ADGB: variants seen among roughly 807,000 people sequenced by gnomAD.
The protein encoded by ADGB is androglobin.
ADGB carries 172 observed loss-of-function variants against 210.5 expected under a neutral mutation model. The ratio of observed to expected loss-of-function variants is 0.82; its 90% CI spans 0.72 to 0.93. The LOEUF (loss-of-function observed/expected upper bound fraction) is 0.93. Among genes scored for constraint, ADGB ranks in the 40% least tolerant of loss-of-function variants. The pLI is 0.00. For missense variants in ADGB, 2,025 were observed against 1,964.8 expected (o/e 1.03, Z -0.58); for synonymous variants, 658 against 662.7 (o/e 0.99, Z 0.11).
chr6:146,674,051 G>T (rs1411063777), intron 8 of ADGB, among the ~76,000 whole-genome samples: 1 of 152,060 alleles, frequency 6.6e-6, no homozygotes, highest in African/African-American at 2.4e-5. Flanking sequence ...TTGTCATCGG[G>T]GCCAAAGGAA....
chr6:146,778,879 C>A (rs1280517197), intron 29 of ADGB, among the ~76,000 whole-genome samples: 1 of 152,064 alleles, frequency 6.6e-6, no homozygotes, highest in Non-Finnish European at 1.5e-5. Flanking sequence ...ATTAGTAACT[C>A]CATGAAAGCA....
chr6:146,693,627 A>G (rs547241342), intron 12 of ADGB, among the ~76,000 whole-genome samples: 33 of 152,310 alleles, frequency 2.2e-4, no homozygotes, highest in Admixed American at 1.6e-3. Context: ...TGGTTTCCAC[A>G]TCTTCCTTGT....
intron 5 of ADGB, among the ~76,000 whole-genome samples, chr6:146,659,771 C>T (rs1164106399): frequency 1.3e-5 from 2 of 152,160 alleles, no homozygotes; most frequent in Non-Finnish European, 2.9e-5. Context: ...TGCTGGGACA[C>T]ATATCATCTC....
At chr6:146,737,563 A>G (rs1307518394) in intron 23 of ADGB, among the ~76,000 whole-genome samples, 3 of 152,228 alleles carry the variant, frequency 2.0e-5, no homozygotes. Flanking sequence ...CATGCAGATT[A>G]CTTGATTAAC....
At position 146,688,328 on chromosome 6, in the gene ADGB, A is replaced by G. The variant is rs117353653; in HGVS notation, c.1311+2500A>G. On this transcript the variant is annotated intron_variant, in intron 10 of 35. Transcript: ENST00000397944. ...ATGAAAGACATAACAGAAACATGTC[A>G]TCCTTTCTAATGGGTAGCCAGGGAA... Among the ~76,000 whole-genome samples the G allele has an allele frequency of 1.7e-3, 265 of 152,262 alleles. 4 individuals are homozygous for G. In the East Asian group the frequency reaches 0.027, roughly 15 times the overall value.
At chr6:146,704,224 A>G (rs1160141434) in intron 13 of ADGB, among the ~76,000 whole-genome samples, 1 of 151,664 alleles carries the variant, frequency 6.6e-6, no homozygotes, top group Non-Finnish European at 1.5e-5. Flanking sequence ...TATCAGATGT[A>G]TGATTTACAA....
At chr6:146,625,880 G>A (rs985739017) in intron 1 of ADGB, among the ~76,000 whole-genome samples, 1 of 151,860 alleles carries the variant, frequency 6.6e-6, no homozygotes, top group African/African-American at 2.4e-5. Context: ...TTGACATTCT[G>A]TTCCATACAG....
At chr6:146,674,203 G>A (rs919675718) in intron 8 of ADGB, among the ~76,000 whole-genome samples, 1 of 152,154 alleles carries the variant, frequency 6.6e-6, no homozygotes, top group African/African-American at 2.4e-5. Flanking sequence ...ACATTGGAGG[G>A]GAGTAAGAAG....
intron 1 of ADGB, among the ~76,000 whole-genome samples, chr6:146,607,991 T>C (rs745324391): frequency 3.3e-5 from 5 of 152,132 alleles, no homozygotes; most frequent in Non-Finnish European, 7.4e-5. Flanking sequence ...GCTCTTTGTA[T>C]GTCTGGTAGA....
chr6:146,813,629 C>G (rs570671069), intron 35 of ADGB, among the ~76,000 whole-genome samples: 1 of 132,194 alleles, frequency 7.6e-6, no homozygotes, highest in Admixed American at 8.2e-5. Context: ...ATGTCTGTTT[C>G]GCAAAAGTTT....
rs375262241 is a variant in ADGB, at chr6:146,615,684, G to A, written c.74+16570G>A. Among the ~76,000 whole-genome samples the A allele has an allele frequency of 1.1e-4, 17 of 152,182 alleles. No homozygotes were observed. In the East Asian group the frequency reaches 2.9e-3, roughly 26 times the overall value. On this transcript the variant is annotated intron_variant, in intron 1 of 35. Transcript: ENST00000397944. ...GCTCCCACCTATAAGTGAGAACATG[G>A]AATATTTATCTTTCTGTGCGTGACT...
intron 25 of ADGB, 91 bp from the exon 26 acceptor site, chr6:146,745,828 CATA>C: frequency 4.2e-6 from 4 of 946,778 alleles, no homozygotes; most frequent in Non-Finnish European, 5.9e-6. Context: ...GTAGGTATAT[CATA>C]ATAATAAGAC....
At chr6:146,696,584 C>A (rs1248287227) in intron 12 of ADGB, among the ~76,000 whole-genome samples, 4 of 152,200 alleles carry the variant, frequency 2.6e-5, no homozygotes, top group African/African-American at 9.6e-5. Flanking sequence ...AATGAAAACT[C>A]TGACTGTAAA....
chr6:146,813,079 A>C (rs1470280336), intron 35 of ADGB, among the ~76,000 whole-genome samples: 3 of 152,184 alleles, frequency 2.0e-5, no homozygotes, highest in Non-Finnish European at 2.9e-5. Context: ...GTCTCGCAGA[A>C]AATCCTGCTT....
intron 1 of ADGB, among the ~76,000 whole-genome samples, chr6:146,613,743 G>A (rs1780744953): frequency 6.6e-6 from 1 of 151,978 alleles, no homozygotes; most frequent in African/African-American, 2.4e-5. Flanking sequence ...TACCTCTTGT[G>A]CATTCTTTAT....
rs138465905 is a variant in ADGB at position 146,755,511 on chromosome 6, A to G, written c.3550+2797A>G. On this transcript the variant is annotated intron_variant, in intron 27 of 35. Coordinates refer to ENST00000397944, the MANE Select transcript of ADGB (RefSeq NM_024694.4). Reference sequence around the variant, plus strand: ...CTCTGCACTTCTCTCTCCTGTCACCATATGAAAAAGGATGTGTTTGCTTCC... The same window carrying G: ...CTCTGCACTTCTCTCTCCTGTCACCGTATGAAAAAGGATGTGTTTGCTTCC... Among the ~76,000 whole-genome samples the G allele has an allele frequency of 4.8e-3, 731 of 152,196 alleles. 3 individuals are homozygous for G. Among genetic ancestry groups the G allele is most frequent in the African/African-American group, 0.017 (696 of 41,552 alleles).
chr6:146,603,974 A>G (rs113164446), intron 1 of ADGB, among the ~76,000 whole-genome samples: 2,198 of 152,218 alleles, frequency 0.014, 44 homozygotes, highest in African/African-American at 0.046. Flanking sequence ...TGCAGTACAC[A>G]TTAGGGAGGT....
intron 1 of ADGB, among the ~76,000 whole-genome samples, chr6:146,601,118 A>G (rs953716025): frequency 6.6e-6 from 1 of 152,196 alleles, no homozygotes. Context: ...ACCAGACACC[A>G]TAAAACACAT....
chr6:146,600,084 C>G lies in ADGB; in HGVS notation c.74+970C>G, dbSNP rs367702130. Among the ~76,000 whole-genome samples, 10 of 152,184 alleles carry G rather than the reference C, an allele frequency of 6.6e-5. No homozygotes were observed. In the South Asian group the frequency reaches 2.1e-3, roughly 32 times the overall value. ...CTCTTTTTCTTTGTGAATTCTTCTC[C>G]CAGACTCATTCCCATGTCTGTGAAT... On this transcript the variant is annotated intron_variant, in intron 1 of 35. Transcript: ENST00000397944.
Sources: allele counts gnomAD v4.1 joint callset (sites outside exome capture counted in the v4.1 genomes callset), GRCh38; gene constraint gnomAD v4.1.1; transcripts MANE v1.5; gene names NCBI Gene and HGNC (gene_info 2026-07-23, HGNC 2026-07-21).